The following PLCH2 variants were observed in gnomAD, a reference collection of about 807,000 sequenced individuals.
PLCH2 encodes phospholipase C eta 2, also known as 1-phosphatidylinositol 4,5-bisphosphate phosphodiesterase eta-2.
Under a neutral mutation model 134.7 loss-of-function variants are expected in PLCH2, and 98 were observed. The observed-to-expected ratio is 0.73, with a 90% confidence interval of 0.62 to 0.86. The LOEUF is 0.86. Ranked by LOEUF, PLCH2 falls within the 40% of genes least tolerant of loss-of-function variation. The pLI is 0.00. For synonymous variants in PLCH2, 974 were observed against 827.5 expected (o/e 1.18, Z -3.04); for missense variants, 1,994 against 1,986.6 (o/e 1.00, Z -0.07).
intron 2 of PLCH2, among the ~76,000 whole-genome samples, chr1:2,431,421 C>T (rs1229424771): frequency 6.6e-6 from 1 of 152,178 alleles, no homozygotes; most frequent in Non-Finnish European, 1.5e-5. Context: ...CAGATATGCC[C>T]AGACAGGTCT....
In PLCH2 at chr1:2,496,536, C is replaced by T. The variant is rs1435221780; in HGVS notation, c.1836-71C>T. 37 of 1,272,376 alleles carry T rather than the reference C, an allele frequency of 2.9e-5. No individual in the cohort carries two copies. The South Asian group carries it at 4.6e-4, about 16-fold the overall frequency. The allele number at this position is 1,272,376 out of a possible 1,614,324, so 78.8% of individuals were successfully genotyped here. A position where few individuals can be genotyped will look rare whatever the true frequency, so the allele number is the denominator to read the frequency against. ...TAATGAGGCTGCCCGAGCCCTGGAGCCCGTCTCACGGAGCTGGGTGCCAGG... is the reference window on the plus strand; with the variant it reads ...TAATGAGGCTGCCCGAGCCCTGGAGTCCGTCTCACGGAGCTGGGTGCCAGG... On this transcript the variant is annotated intron_variant, in intron 13 of 21. Transcript: ENST00000378486.
chr1:2,486,328 C>G (rs993753492), intron 5 of PLCH2, among the ~76,000 whole-genome samples: 6 of 152,214 alleles, frequency 3.9e-5, no homozygotes, highest in Admixed American at 6.5e-5. Flanking sequence ...TGGGCTCCCC[C>G]ACCTGTTACC....
In PLCH2 at chr1:2,504,376, C is replaced by A; in HGVS notation, c.3414C>A (p.Gly1138=). 4 of 1,611,670 alleles carry A rather than the reference C, an allele frequency of 2.5e-6. No homozygotes were observed. The highest frequency in any genetic ancestry group is 3.4e-6 in the Non-Finnish European group (4 of 1,179,646). The part of the protein sequence containing the change: ...DPLWQRLEPC[G]HRDSVSSSSS... ...TGTGGCAGCGGCTGGAGCCATGTGGCCACCGAGACAGCGTTTCCTCCTCCT... is the reference window on the plus strand; with the variant it reads ...TGTGGCAGCGGCTGGAGCCATGTGGACACCGAGACAGCGTTTCCTCCTCCT... Residue 1138 remains glycine, a synonymous_variant, in exon 22 of 22, where the codon GGC becomes GGA. Transcript: ENST00000378486.
intron 1 of PLCH2, among the ~76,000 whole-genome samples, chr1:2,477,934 G>T (rs756722919): frequency 6.6e-6 from 1 of 152,214 alleles, no homozygotes; most frequent in African/African-American, 2.4e-5. Context: ...AGGGGCGGGG[G>T]CAGGGGCATG....
At chr1:2,438,641 C>T (rs909783763) in intron 2 of PLCH2, among the ~76,000 whole-genome samples, 1 of 152,188 alleles carries the variant, frequency 6.6e-6, no homozygotes, top group Non-Finnish European at 1.5e-5. Flanking sequence ...GCACCCCCGG[C>T]CACTGCGGCT....
chr1:2,466,713 G>A (rs1051937492), upstream of PLCH2, among the ~76,000 whole-genome samples: 13 of 152,246 alleles, frequency 8.5e-5, no homozygotes, highest in African/African-American at 3.1e-4. Context: ...CCCATGGGTG[G>A]ACGTCTCTTT....
intron 2 of PLCH2, among the ~76,000 whole-genome samples, chr1:2,431,982 C>T (rs11577570): frequency 0.092 from 13,984 of 152,180 alleles, 792 homozygotes; most frequent in East Asian, 0.25. Flanking sequence ...CAAGGTGCCC[C>T]GGGTGGTGTG....
intron 2 of PLCH2, among the ~76,000 whole-genome samples, chr1:2,451,987 G>C (rs888780257): frequency 2.0e-5 from 3 of 152,210 alleles, no homozygotes; most frequent in African/African-American, 7.2e-5. Flanking sequence ...TGTGAAGTGA[G>C]GTCTGCTCTG....
At chr1:2,499,922 T>C in intron 20 of PLCH2, 1 of 613,152 alleles carries the variant, frequency 1.6e-6, no homozygotes. Flanking sequence ...CCACCTCTGA[T>C]CTCAGGGCTG....
At chr1:2,472,998 A>G (rs1392144872), upstream of PLCH2, among the ~76,000 whole-genome samples, 1 of 152,018 alleles carries the variant, frequency 6.6e-6, no homozygotes, top group African/African-American at 2.4e-5. Context: ...AGAGGCGGAG[A>G]TGCTGAGCCA....
chr1:2,489,523 C>T, intron 9 of PLCH2, 145 bp downstream of exon 9: 2 of 840,238 alleles, frequency 2.4e-6, no homozygotes, highest in Non-Finnish European at 1.8e-6. Context: ...GACCTGGCCT[C>T]CATCTCCCCA....
At chr1:2,428,181 C>G (rs1029966340) in intron 1 of PLCH2, among the ~76,000 whole-genome samples, 1 of 152,234 alleles carries the variant, frequency 6.6e-6, no homozygotes, top group African/African-American at 2.4e-5. Flanking sequence ...CCCAAGGCAG[C>G]AGGTCCAGGG....
At chr1:2,447,763 G>A (rs946286103) in intron 2 of PLCH2, among the ~76,000 whole-genome samples, 15 of 152,184 alleles carry the variant, frequency 9.9e-5, no homozygotes, top group Admixed American at 5.9e-4. Context: ...TGCCCACTTC[G>A]GGGCAGCTGC....
rs1234074592 is a variant in PLCH2 at position 2,503,861 on chromosome 1, CCTCCCTCTCTCTCTTCTGCTT to C, written c.2960-52_2960-32del. On this transcript the variant is annotated intron_variant, in intron 21 of 21. Transcript: ENST00000378486. ...CGACTCCTCTCCGCCTCTCTCCCTG[CCTCCCTCTCTCTCTTCTGCTT>C]CTCCCTCTGGCTCTCTCTCACTCCC... is the stretch of plus-strand genomic sequence containing the variant. 3.0e-5 allele frequency: 20 copies of C among 658,534 alleles called. No homozygotes were observed. The African/African-American group carries it at 3.6e-4, about 12-fold the overall frequency. 40.8% of individuals were successfully genotyped at this position (658,534 alleles called of 1,614,324 possible). A position where few individuals can be genotyped will look rare whatever the true frequency, so the allele number is the denominator to read the frequency against.
chr1:2,459,632 GCCT>G (rs1557970314), intron 2 of PLCH2, among the ~76,000 whole-genome samples: 14 of 5,866 alleles, frequency 2.4e-3, no homozygotes, highest in East Asian at 0.011. Flanking sequence ...GGTCCTCCTT[GCCT>G]GTGGTCTTCC....
chr1:2,503,837 G>A (rs1323048497), intron 21 of PLCH2, 85 bp from the exon 22 acceptor site: 8 of 640,202 alleles, frequency 1.2e-5, no homozygotes, highest in East Asian at 2.7e-5. Flanking sequence ...ACCCTGATCC[G>A]ACTCCTCTCC....
At position 2,498,632 on chromosome 1, in the gene PLCH2, G is replaced by C. The variant is rs771555934; in HGVS notation, c.2334G>C (p.Leu778=). Residue 778 remains leucine (L), a synonymous_variant, in exon 17 of 22, where the codon CTG becomes CTC. Transcript: ENST00000378486. This position sits in a 1 kb window ranked among gnomAD's most constrained non-coding sequence, Gnocchi z 5.4. ...QQLPKPRDSM[L]GDRGEIIDPF... ...TTCCCAAGCCGCGCGACTCCATGCT[G>C]GGGGACCGTGGGGAGGTGGGGGCCA... 1.9e-6 allele frequency: 3 copies of C among 1,571,162 alleles called. No individual in the cohort carries two copies. Among genetic ancestry groups the C allele is most frequent in the East Asian group, 4.7e-5 (2 of 42,816 alleles).
Position 2,479,680 on chromosome 1 carries a change from A to G in PLCH2, c.272-54A>G. ...TCTCCGCAGTGTTGGGGCTGCCAGC[A>G]GGGGGACGCTGGGCCCCCGGGGACC... On this transcript the variant is annotated intron_variant, in intron 2 of 21. Transcript: ENST00000378486. The G allele has an allele frequency of 2.0e-6, 3 of 1,496,156 alleles. No individual in the cohort carries two copies. The South Asian group carries it at 3.9e-5, about 19-fold the overall frequency. The allele number at this position is 1,496,156 out of a possible 1,614,324, so 92.7% of individuals were successfully genotyped here. A position where few individuals can be genotyped will look rare whatever the true frequency, so the allele number is the denominator to read the frequency against.
Position 2,498,882 on chromosome 1 carries a change from G to T in PLCH2, c.2434+54G>T. On this transcript the variant is annotated intron_variant, in intron 18 of 21. Coordinates refer to ENST00000378486, the MANE Select transcript of PLCH2 (RefSeq NM_014638.4). The surrounding 1 kb of genome is among the most constrained non-coding windows in gnomAD (Gnocchi z 5.4). Reference sequence around the variant, plus strand: ...CTGTGATGGAAGTCTGAGGGGGGAGGGTTGGGGCTACCTGGTGTGCCCGGG... The same window carrying T: ...CTGTGATGGAAGTCTGAGGGGGGAGTGTTGGGGCTACCTGGTGTGCCCGGG... 2.7e-6 allele frequency: 4 copies of T among 1,462,798 alleles called. No individual in the cohort carries two copies. In the South Asian group the frequency reaches 4.7e-5, roughly 17 times the overall value. The allele number at this position is 1,462,798 out of a possible 1,614,324, so 90.6% of individuals were successfully genotyped here.
Sources: gnomAD v4.1 joint callset for allele counts (sites outside exome capture counted in the v4.1 genomes callset) on GRCh38, gnomAD v4.1.1 for gene constraint, Gnocchi (gnomAD v3.1) non-coding constraint, MANE v1.5 for transcripts, NCBI Gene and HGNC (gene_info 2026-07-23, HGNC 2026-07-21) for gene names.